Variants in AGGF1 observed in about 807,000 individuals in gnomAD.
AGGF1 encodes the protein angiogenic factor with G patch and FHA domains 1.
Under a neutral mutation model 86.5 loss-of-function variants are expected in AGGF1, and 56 were observed. The ratio of observed to expected loss-of-function variants is 0.65; its 90% CI spans 0.52 to 0.81. The LOEUF (loss-of-function observed/expected upper bound fraction) is 0.81. Among genes scored for constraint, AGGF1 ranks in the 30% least tolerant of loss-of-function variants. The pLI is 0.00. For missense variants in AGGF1, 816 were observed against 850.9 expected (o/e 0.96, Z 0.51); for synonymous variants, 313 against 297.1 (o/e 1.05, Z -0.55).
In AGGF1 at chr5:77,048,270, A is replaced by G. The variant is rs776617454; in HGVS notation, c.1311A>G (p.Gly437=). 1 of 1,585,352 alleles carries G rather than the reference A, an allele frequency of 6.3e-7. No homozygotes were observed. The highest frequency in any genetic ancestry group is 1.1e-5 in the South Asian group (1 of 90,364). The change falls in exon 7 of 14, where the codon GGA becomes GGG. Residue 437 remains glycine, a splice_region_variant and synonymous_variant. Coordinates refer to ENST00000312916, the MANE Select transcript of AGGF1 (RefSeq NM_018046.5). The part of the protein sequence containing the change: ...IITAVNPATI[G]REKDMEHTLR... ...CTGCTGTAAACCCTGCTACAATTGG[A>G]AGGTAAAATGGTTAATATTATTATA... is the stretch of plus-strand genomic sequence containing the variant.
In AGGF1 at chr5:77,046,391, A is replaced by G. The variant is rs1356972048; in HGVS notation, c.915A>G (p.Thr305=). 6.2e-7 allele frequency: 1 copy of G among 1,613,936 alleles called. No homozygotes were observed. The highest frequency in any genetic ancestry group is 8.5e-7 in the Non-Finnish European group (1 of 1,179,990). Residue 305 remains threonine, a synonymous_variant, in exon 6 of 14, where the codon ACA becomes ACG. Coordinates refer to ENST00000312916, the MANE Select transcript of AGGF1 (RefSeq NM_018046.5). The stretch of plus-strand genomic sequence containing the variant: ...AAAAAGCCTTCAGTGTTGAACATAC[A>G]AGCTGCAATGAGGAAGAAAATTTCG... ...EDQKAFSVEH[T]SCNEEENFAN...
chr5:77,048,563 G>T (rs1747313731), intron 7 of AGGF1, among the ~76,000 whole-genome samples: 1 of 152,210 alleles, frequency 6.6e-6, no homozygotes, highest in African/African-American at 2.4e-5. Flanking sequence ...ATGTTGGCCA[G>T]ACTGGTCTCG....
At chr5:77,056,351 G>C (rs180674012) in intron 11 of AGGF1, among the ~76,000 whole-genome samples, 58 of 149,696 alleles carry the variant, frequency 3.9e-4, no homozygotes, top group Non-Finnish European at 6.9e-4. Flanking sequence ...GCCTCAGCCT[G>C]ACAAGCAGCT....
At chr5:77,038,661 T>C (rs1747007116) in intron 4 of AGGF1, among the ~76,000 whole-genome samples, 3 of 152,180 alleles carry the variant, frequency 2.0e-5, no homozygotes, top group Non-Finnish European at 4.4e-5. Flanking sequence ...AGACAATAAA[T>C]TGCAAGTGTC....
chr5:77,054,199 A>C, intron 10 of AGGF1, 69 bp downstream of exon 10: 1 of 1,577,146 alleles, frequency 6.3e-7, no homozygotes, highest in Admixed American at 1.7e-5. Context: ...TCTAAAAAAC[A>C]TCAGTCAGCT....
At chr5:77,056,639 A>T (rs527930056) in intron 11 of AGGF1, among the ~76,000 whole-genome samples, 21 of 152,198 alleles carry the variant, frequency 1.4e-4, no homozygotes, top group African/African-American at 5.1e-4. Flanking sequence ...TATAAAAATG[A>T]TCCAAAAGTG....
chr5:77,043,601 G>A (rs867355467), intron 5 of AGGF1, among the ~76,000 whole-genome samples: 12 of 35,836 alleles, frequency 3.3e-4, no homozygotes, highest in South Asian at 1.4e-3. Context: ...CCCCCCCCCC[G>A]GATGGCACGG....
At chr5:77,031,816 A>G (rs1028767822) in intron 1 of AGGF1, among the ~76,000 whole-genome samples, 1 of 152,110 alleles carries the variant, frequency 6.6e-6, no homozygotes, top group African/African-American at 2.4e-5. Flanking sequence ...AGGCAGGAGA[A>G]TTGCTTGAAC....
At chr5:77,044,140 C>T (rs1258789277) in intron 5 of AGGF1, among the ~76,000 whole-genome samples, 5 of 146,268 alleles carry the variant, frequency 3.4e-5, no homozygotes, top group East Asian at 2.0e-4. Flanking sequence ...AGACGATGGG[C>T]GGCCAGGCAG....
chr5:77,030,949 A>G lies in AGGF1; in HGVS notation c.183A>G (p.Glu61=). ...HHTERLYQNA[E]SNNQELRTQV... is the part of the protein sequence containing the mutation. ...CAGAACGGCTGTACCAGAACGCAGA[A>G]AGCAACAACCAGGAGCTCCGCACGC... Residue 61 remains glutamate, a synonymous_variant, in exon 1 of 14, where the codon GAA becomes GAG. Coordinates refer to ENST00000312916, the MANE Select transcript of AGGF1 (RefSeq NM_018046.5). 1.2e-6 allele frequency: 2 copies of G among 1,612,822 alleles called. No individual in the cohort carries two copies. The highest frequency in any genetic ancestry group is 1.7e-6 in the Non-Finnish European group (2 of 1,179,974).
rs1747418223 is a variant in AGGF1, at chr5:77,053,904, G to A, written c.1468-61G>A. ...TTATAATCAGACATTACTTACAGTA[G>A]ATGTAAGGTAACCATAAGTGATTGT... is the stretch of plus-strand genomic sequence containing the variant. On this transcript the variant is annotated intron_variant, in intron 9 of 13. Transcript: ENST00000312916. The A allele has an allele frequency of 2.0e-6, 3 of 1,484,888 alleles. No homozygotes were observed. In the East Asian group the frequency reaches 6.8e-5, roughly 34 times the overall value. The allele number at this position is 1,484,888 out of a possible 1,614,324, so 92.0% of individuals were successfully genotyped here.
rs1580120471 is a variant in AGGF1, at chr5:77,030,852, T to G, written c.86T>G (p.Val29Gly). 1 of 1,612,448 alleles carries G rather than the reference T, an allele frequency of 6.2e-7. No individual in the cohort carries two copies. The highest frequency in any genetic ancestry group is 8.5e-7 in the Non-Finnish European group (1 of 1,179,860). The part of the protein sequence containing the change: ...EPELAQLRRK[V>G]EKLERELRSC... ...GAGCTGGCCCAGCTAAGGCGGAAGG[T>G]GGAGAAGTTGGAACGTGAACTGCGG... Residue 29 changes from valine (V) to glycine (G), a missense_variant, in exon 1 of 14, where the codon GTG becomes GGG. By Grantham distance (109) the Val-to-Gly change is moderately radical. Around this residue, in one of 3 missense-constraint regions of AGGF1, gnomAD observed 240 missense variants for 234.4 expected, o/e 1.02. Transcript: ENST00000312916.
chr5:77,057,926 C>A (rs1293543726), intron 11 of AGGF1, among the ~76,000 whole-genome samples: 1 of 152,096 alleles, frequency 6.6e-6, no homozygotes, highest in Non-Finnish European at 1.5e-5. Flanking sequence ...GAACTACAAA[C>A]AAGAAAGTGG....
chr5:77,047,459 G>A (rs934390308), intron 6 of AGGF1, among the ~76,000 whole-genome samples: 103 of 152,268 alleles, frequency 6.8e-4, no homozygotes, highest in African/African-American at 2.4e-3. Flanking sequence ...CACAGATACC[G>A]AGGGCCAACT....
rs372772164 is a variant in AGGF1, at chr5:77,046,423, T to C, written c.947T>C (p.Met316Thr). 3 of 1,613,960 alleles carry C rather than the reference T, an allele frequency of 1.9e-6. No homozygotes were observed. In the South Asian group the frequency reaches 3.3e-5, roughly 18 times the overall value. The change falls in exon 6 of 14, where the codon ATG becomes ACG. Residue 316 changes from methionine (M) to threonine (T), a missense_variant. Met to Thr is a moderately conservative substitution (Grantham distance 81). This residue lies in a region of AGGF1 where 565 missense variants were observed against 585.8 expected (regional missense o/e 0.96). Transcript: ENST00000312916. ...SCNEEENFANMKKKAKIGIHH... is the reference protein window; with the variant it reads ...SCNEEENFANTKKKAKIGIHH... ...AATGAGGAAGAAAATTTCGCAAATA[T>C]GAAAAAGAAGGCCAAAATAGGCATT...
intron 13 of AGGF1, 113 bp from the exon 14 acceptor site, chr5:77,062,939 C>T: frequency 9.3e-7 from 1 of 1,074,730 alleles, no homozygotes. Flanking sequence ...ACAGGTTTTT[C>T]TTTTGCATCA....
At chr5:77,041,652 A>G (rs1747084765) in intron 5 of AGGF1, among the ~76,000 whole-genome samples, 1 of 151,580 alleles carries the variant, frequency 6.6e-6, no homozygotes, top group Non-Finnish European at 1.5e-5. Flanking sequence ...GGGCTCCTCA[A>G]ATGGCCTTGC....
At chr5:77,032,252 T>TAAAAAAAA (rs35068401) in intron 1 of AGGF1, among the ~76,000 whole-genome samples, 28 of 107,878 alleles carry the variant, frequency 2.6e-4, no homozygotes, top group East Asian at 5.4e-4. Flanking sequence ...ACAAATATGG[T>TAAAAAAAA]AAAAAAAAAA....
intron 11 of AGGF1, among the ~76,000 whole-genome samples, chr5:77,058,958 A>C (rs1747503576): frequency 6.6e-6 from 1 of 152,336 alleles, no homozygotes; most frequent in Non-Finnish European, 1.5e-5. Context: ...TTAAGTGACT[A>C]ATAAGTCACT....
Sources: gnomAD v4.1 joint callset for allele counts (sites outside exome capture counted in the v4.1 genomes callset) on GRCh38, gnomAD v4.1.1 for gene constraint, gnomAD v4.1.1 regional missense constraint, MANE v1.5 for transcripts, NCBI Gene and HGNC (gene_info 2026-07-23, HGNC 2026-07-21) for gene names.